RSPH1: variants seen among roughly 807,000 people sequenced by gnomAD.
The protein encoded by RSPH1 is radial spoke head component 1.
RSPH1 carries 32 observed loss-of-function variants against 44.2 expected under a neutral mutation model. The observed-to-expected ratio is 0.72, with a 90% CI of 0.55 to 0.97. The LOEUF (loss-of-function observed/expected upper bound fraction) is 0.97. Among genes scored for constraint, RSPH1 ranks in the 50% least tolerant of loss-of-function variants. RSPH1 has a pLI of 0.00. For missense variants in RSPH1, 391 were observed against 398.7 expected (o/e 0.98, Z 0.16); for synonymous variants, 134 against 147.3 (o/e 0.91, Z 0.65).
Position 42,485,692 on chromosome 21 carries a change from G to T in RSPH1, c.478C>A (p.Gln160Lys). 6.2e-7 allele frequency: 1 copy of T among 1,614,172 alleles called. No homozygotes were observed. The highest frequency in any genetic ancestry group is 1.7e-5 in the Admixed American group (1 of 60,030). ...AELIHLNHRY[Q>K]GKFLNKNPVG... ...ACATTTTTGTTCAAGAACTTGCCCT[G>T]GTACCTGTGGTTCAGGTGAATGAGC... is the stretch of plus-strand genomic sequence containing the variant. Residue 160 changes from glutamine to lysine, a missense_variant, in exon 5 of 9, where the codon CAG (glutamine) becomes AAG (lysine). By Grantham distance (53) the Gln-to-Lys change is moderately conservative. Coordinates refer to ENST00000291536, the MANE Select transcript of RSPH1 (RefSeq NM_080860.4).
Position 42,482,679 on chromosome 21 carries a change from A to G in RSPH1, c.531T>C (p.Asp177=), listed in dbSNP as rs755284624. ...ATTCACCATGTTGTTCACACCCAAC[A>G]TCAAATACATACTTTCCAGGGCCAA... ...NPVGPGKYVF[D]VGCEQHGEYR... is the part of the protein sequence containing the mutation. The change falls in exon 6 of 9, where the codon GAT becomes GAC. Residue 177 remains aspartate (D), a synonymous_variant. Coordinates refer to ENST00000291536, the MANE Select transcript of RSPH1 (RefSeq NM_080860.4). The G allele has an allele frequency of 9.3e-6, 15 of 1,613,622 alleles. No homozygotes were observed. Among genetic ancestry groups the G allele is most frequent in the African/African-American group, 1.3e-5 (1 of 74,940 alleles).
intron 3 of RSPH1, among the ~76,000 whole-genome samples, chr21:42,489,912 C>T (rs548408146): frequency 4.6e-5 from 7 of 152,314 alleles, no homozygotes; most frequent in African/African-American, 1.4e-4. Flanking sequence ...AACCCAGGTT[C>T]AAGTTATCAT....
intron 4 of RSPH1, chr21:42,486,016 G>A: frequency 3.2e-6 from 2 of 633,046 alleles, no homozygotes; most frequent in Admixed American, 2.9e-5. Context: ...CAGGCCAGCT[G>A]GACAGAGGCA....
chr21:42,484,289 T>C (rs2054158095), intron 5 of RSPH1, among the ~76,000 whole-genome samples: 1 of 152,140 alleles, frequency 6.6e-6, no homozygotes. Flanking sequence ...TTGGCAAGAG[T>C]ATAAACTGAC....
intron 3 of RSPH1, among the ~76,000 whole-genome samples, chr21:42,487,640 G>A (rs1253098286): frequency 6.6e-6 from 1 of 152,092 alleles, no homozygotes; most frequent in Non-Finnish European, 1.5e-5. Flanking sequence ...CATTGCAAAT[G>A]AAAATTCACT....
At chr21:42,486,085 G>A (rs962768901) in intron 4 of RSPH1, 2 of 575,890 alleles carry the variant, frequency 3.5e-6, no homozygotes, top group Non-Finnish European at 6.2e-6. Flanking sequence ...GGGAGCTGTG[G>A]CTCAGGTCCC....
chr21:42,490,380 A>T, intron 3 of RSPH1, among the ~76,000 whole-genome samples: 1 of 152,218 alleles, frequency 6.6e-6, no homozygotes, highest in East Asian at 1.9e-4. Context: ...CAGCCAAGAT[A>T]CACTGTTATG....
intron 3 of RSPH1, among the ~76,000 whole-genome samples, chr21:42,488,946 G>A (rs2146658942): frequency 6.6e-6 from 1 of 152,306 alleles, no homozygotes; most frequent in Non-Finnish European, 1.5e-5. Context: ...CTTGTCAACT[G>A]AGGTTTTTTC....
intron 3 of RSPH1, among the ~76,000 whole-genome samples, chr21:42,491,622 T>C (rs1300445901): frequency 1.3e-5 from 2 of 152,208 alleles, no homozygotes. Flanking sequence ...GCAAGCCTTC[T>C]GGGATTTATG....
At chr21:42,476,746 G>A (rs1405270600) in intron 7 of RSPH1, among the ~76,000 whole-genome samples, 2 of 152,104 alleles carry the variant, frequency 1.3e-5, no homozygotes, top group African/African-American at 4.8e-5. Context: ...AATGAAGCAA[G>A]GTTGTGGAGG....
At chr21:42,493,990 G>A (rs978920862) in intron 1 of RSPH1, among the ~76,000 whole-genome samples, 5 of 152,166 alleles carry the variant, frequency 3.3e-5, no homozygotes, top group Non-Finnish European at 4.4e-5. Flanking sequence ...GGACTCAAGC[G>A]ATCCTTGGCC....
intron 1 of RSPH1, chr21:42,495,869 C>A: frequency 2.0e-6 from 1 of 501,472 alleles, no homozygotes; most frequent in Non-Finnish European, 3.6e-6. Context: ...GCTGGGAAAT[C>A]TTTGCCTTTA....
In RSPH1 at chr21:42,493,053, T is replaced by G; in HGVS notation, c.81A>C (p.Ala27=). ...IGEYEGGRNE[A]GERHGRGRAR... ...CCCTCCCACGTCCGTGCCTTTCGCC[T>G]GCCTCATTCCGACCCCCCTCATATT... The change falls in exon 2 of 9, where the codon GCA becomes GCC. Residue 27 remains alanine (A), a synonymous_variant. Transcript: ENST00000291536. The G allele has an allele frequency of 1.2e-6, 2 of 1,614,152 alleles. No individual in the cohort carries two copies. The highest frequency in any genetic ancestry group is 8.5e-7 in the Non-Finnish European group (1 of 1,180,004).
rs749396466 is a variant in RSPH1, at chr21:42,493,131, C to G, written c.55-52G>C. 15 of 1,452,820 alleles carry G rather than the reference C, an allele frequency of 1.0e-5. No homozygotes were observed. The South Asian group carries it at 1.5e-4, about 15-fold the overall frequency. The allele number at this position is 1,452,820 out of a possible 1,614,324, so 90.0% of individuals were successfully genotyped here. A position where few individuals can be genotyped will look rare whatever the true frequency, so the allele number is the denominator to read the frequency against. On this transcript the variant is annotated intron_variant, in intron 1 of 8. Transcript: ENST00000291536. ...CAGCTACCATTCATTAAGCGCTAAC[C>G]AGGTGCTAAGCATTTTGTAAATATC...
rs202208015 is a variant in RSPH1 at position 42,477,337 on chromosome 21, C to T, written c.681G>A (p.Lys227=). ...LALWTPTLPK[K]PTSTDGPGQD... ...GGCCAGGTCCATCCGTAGAGGTCGG[C>T]TTTTTGGGGAGAGTTGGTGTCCACA... The change falls in exon 7 of 9, where the codon AAG becomes AAA. Residue 227 remains lysine, a synonymous_variant. Coordinates refer to ENST00000291536, the MANE Select transcript of RSPH1 (RefSeq NM_080860.4). 1.1e-5 allele frequency: 17 copies of T among 1,610,910 alleles called. No homozygotes were observed. The African/African-American group carries it at 2.2e-4, about 20-fold the overall frequency.
At chr21:42,495,984 G>A in intron 1 of RSPH1, 149 bp downstream of exon 1, 1 of 776,422 alleles carries the variant, frequency 1.3e-6, no homozygotes, top group African/African-American at 1.7e-5. Flanking sequence ...ACGCAGGTGT[G>A]TCTGGCGTGG....
At chr21:42,486,246 G>T in intron 4 of RSPH1, 125 bp downstream of exon 4, 1 of 764,406 alleles carries the variant, frequency 1.3e-6, no homozygotes, top group Non-Finnish European at 2.3e-6. Flanking sequence ...GATTGGACCT[G>T]CCTGGCAGAG....
chr21:42,477,754 A>G (rs2054084257), intron 6 of RSPH1, among the ~76,000 whole-genome samples: 1 of 152,234 alleles, frequency 6.6e-6, no homozygotes, highest in South Asian at 2.1e-4. Flanking sequence ...AATAGCTAAG[A>G]CATGGCCAGG....
chr21:42,495,901 G>A (rs2054282993), intron 1 of RSPH1: 1 of 545,562 alleles, frequency 1.8e-6, no homozygotes, highest in Non-Finnish European at 3.3e-6. Flanking sequence ...GATGGGGGTG[G>A]GGGAAGAACG....
Sources: gnomAD v4.1 joint callset for allele counts (sites outside exome capture counted in the v4.1 genomes callset) on GRCh38, gnomAD v4.1.1 for gene constraint, MANE v1.5 for transcripts, NCBI Gene and HGNC (gene_info 2026-07-23, HGNC 2026-07-21) for gene names.